Variants in GSG1L observed in about 807,000 individuals in gnomAD.
GSG1L encodes germ cell-specific gene 1-like protein.
In GSG1L, 24 loss-of-function variants were observed where a neutral mutation model predicts 42.1. That is an observed-to-expected ratio of 0.57 (90% CI 0.41 to 0.80). The LOEUF is 0.80. Ranked by LOEUF, GSG1L falls within the 30% of genes least tolerant of loss-of-function variation. The pLI is 0.00. For missense variants in GSG1L, 445 were observed against 472.2 expected, an observed-to-expected ratio of 0.94 and a Z score of 0.53; for synonymous variants, 215 against 203.5, an observed-to-expected ratio of 1.06 and a Z score of -0.48.
chr16:28,039,646 T>C (rs955887176), intron 1 of GSG1L, among the ~76,000 whole-genome samples: 5 of 150,202 alleles, frequency 3.3e-5, no homozygotes, highest in African/African-American at 1.2e-4. Flanking sequence ...TGCACACACA[T>C]GCACACTCAC....
intron 3 of GSG1L, among the ~76,000 whole-genome samples, chr16:27,862,261 A>G (rs775827766): frequency 2.0e-5 from 3 of 152,188 alleles, no homozygotes; most frequent in Non-Finnish European, 4.4e-5. Flanking sequence ...TTTGAGGTCC[A>G]CAAGGCAAGG....
intron 6 of GSG1L, among the ~76,000 whole-genome samples, chr16:27,801,867 C>T (rs2082886604): frequency 6.6e-6 from 1 of 152,098 alleles, no homozygotes; most frequent in East Asian, 1.9e-4. Flanking sequence ...AAAATGGGTC[C>T]GTATTTAGGG....
chr16:27,851,162 G>A (rs2140990002), intron 3 of GSG1L, among the ~76,000 whole-genome samples: 1 of 152,270 alleles, frequency 6.6e-6, no homozygotes, highest in South Asian at 2.1e-4. Context: ...AAGAGAGCAG[G>A]AAGACAGCGT....
intron 4 of GSG1L, among the ~76,000 whole-genome samples, chr16:27,837,982 C>T (rs951408265): frequency 6.6e-6 from 1 of 152,058 alleles, no homozygotes; most frequent in Admixed American, 6.6e-5. Context: ...CTACTGTCTT[C>T]TTCCTGCCTT....
chr16:27,856,861 G>A (rs1308192861), intron 3 of GSG1L, among the ~76,000 whole-genome samples: 6 of 152,222 alleles, frequency 3.9e-5, no homozygotes, highest in Non-Finnish European at 8.8e-5. Context: ...TGGGTGAGGA[G>A]TGGGGTGGTG....
chr16:27,853,120 G>A (rs2083534639), intron 3 of GSG1L, among the ~76,000 whole-genome samples: 2 of 152,202 alleles, frequency 1.3e-5, no homozygotes, highest in South Asian at 4.1e-4. Context: ...TGTTTCATGA[G>A]ACCAATCGGC....
At chr16:27,909,583 G>A (rs2084359543) in intron 2 of GSG1L, among the ~76,000 whole-genome samples, 1 of 150,094 alleles carries the variant, frequency 6.7e-6, no homozygotes, top group East Asian at 1.9e-4. Context: ...TGAAAGGAGG[G>A]AGAAGGCGAA....
chr16:27,996,361 C>T (rs539726239), intron 1 of GSG1L, among the ~76,000 whole-genome samples: 2 of 152,288 alleles, frequency 1.3e-5, no homozygotes, highest in East Asian at 1.9e-4. Context: ...TCATCTTACA[C>T]GTGTGCAAAA....
chr16:28,007,794 G>C (rs1466339882), intron 1 of GSG1L, among the ~76,000 whole-genome samples: 3 of 152,108 alleles, frequency 2.0e-5, no homozygotes, highest in African/African-American at 7.2e-5. Flanking sequence ...GGGATGACAG[G>C]CTTGAGCCAC....
intron 1 of GSG1L, among the ~76,000 whole-genome samples, chr16:27,987,909 T>C (rs1016285838): frequency 6.4e-5 from 8 of 125,378 alleles, no homozygotes; most frequent in African/African-American, 2.5e-4. Context: ...ATCGTGCCAC[T>C]GCACTCCAGC....
At chr16:27,973,563 G>A (rs1406167716) in intron 1 of GSG1L, among the ~76,000 whole-genome samples, 1 of 151,434 alleles carries the variant, frequency 6.6e-6, no homozygotes, top group East Asian at 2.0e-4. Flanking sequence ...AGCCTAATTG[G>A]GGGAAACAAG....
chr16:28,061,118 A>G (rs1403349110), intron 1 of GSG1L, among the ~76,000 whole-genome samples: 1 of 152,154 alleles, frequency 6.6e-6, no homozygotes, highest in Non-Finnish European at 1.5e-5. Flanking sequence ...CAGAGGTGGT[A>G]TCTCCCCAGG....
At chr16:27,945,657 C>A (rs1439506336) in intron 2 of GSG1L, among the ~76,000 whole-genome samples, 1 of 152,228 alleles carries the variant, frequency 6.6e-6, no homozygotes, top group South Asian at 2.1e-4. Context: ...AGCCAATTGC[C>A]GGGCAGCCAA....
At chr16:28,056,364 C>T (rs943529286) in intron 1 of GSG1L, among the ~76,000 whole-genome samples, 4 of 150,724 alleles carry the variant, frequency 2.7e-5, no homozygotes, top group South Asian at 2.1e-4. Flanking sequence ...AGCAAACTAT[C>T]GCAAGGACAA....
At chr16:27,998,678 C>T (rs1047389720) in intron 1 of GSG1L, among the ~76,000 whole-genome samples, 1 of 152,028 alleles carries the variant, frequency 6.6e-6, no homozygotes, top group Non-Finnish European at 1.5e-5. Flanking sequence ...TCCCAGCTAC[C>T]CGGGAGGCTG....
At chr16:27,989,063 A>AAG (rs1213413226) in intron 1 of GSG1L, among the ~76,000 whole-genome samples, 43 of 151,796 alleles carry the variant, frequency 2.8e-4, no homozygotes, top group Admixed American at 1.2e-3. Flanking sequence ...AAAAAAAAAA[A>AAG]AAAAGAAAAG....
At chr16:28,028,477 G>C (rs2085924051) in intron 1 of GSG1L, among the ~76,000 whole-genome samples, 1 of 151,742 alleles carries the variant, frequency 6.6e-6, no homozygotes, top group African/African-American at 2.4e-5. Context: ...TTCTGCTTGT[G>C]GCTTTTAAAC....
At chr16:28,014,619 T>A (rs28406847) in intron 1 of GSG1L, among the ~76,000 whole-genome samples, 2 of 151,142 alleles carry the variant, frequency 1.3e-5, no homozygotes, top group Admixed American at 1.3e-4. Context: ...TCCTCTCATC[T>A]CAGCCTCCCA....
chr16:28,036,882 A>C (rs2086044890), intron 1 of GSG1L, among the ~76,000 whole-genome samples: 1 of 152,288 alleles, frequency 6.6e-6, no homozygotes, highest in Non-Finnish European at 1.5e-5. Flanking sequence ...TCTTTCCTTA[A>C]GCATTTCTTT....
Sources: gnomAD v4.1 joint callset for allele counts (sites outside exome capture counted in the v4.1 genomes callset) on GRCh38, gnomAD v4.1.1 for gene constraint, MANE v1.5 for transcripts, NCBI Gene and HGNC (gene_info 2026-07-23, HGNC 2026-07-21) for gene names.